GNG12: variants seen among roughly 807,000 people sequenced by gnomAD.
The protein encoded by GNG12 is G protein subunit gamma 12, also known as guanine nucleotide-binding protein G(I)/G(S)/G(O) subunit gamma-12.
For missense variants in GNG12, 69 were observed against 83.8 expected (o/e 0.82, Z 0.69); for synonymous variants, 28 against 29.7 (o/e 0.94, Z 0.19).
intron 2 of GNG12, among the ~76,000 whole-genome samples, chr1:67,768,471 A>G (rs1028114933): frequency 6.6e-6 from 1 of 152,258 alleles, no homozygotes; most frequent in Non-Finnish European, 1.5e-5. Context: ...TGATTAAAAA[A>G]AAACAGGCTG....
In GNG12 at chr1:67,703,014, TAA is replaced by T. The variant is rs928821871; in HGVS notation, c.*2435_*2436del. The T allele has an allele frequency of 6.6e-6, 1 of 152,152 alleles. No individual in the cohort carries two copies. Among genetic ancestry groups the T allele is most frequent in the African/African-American group, 2.4e-5 (1 of 41,440 alleles). 9.4% of individuals were successfully genotyped at this position (152,152 alleles called of 1,614,324 possible). The stretch of plus-strand genomic sequence containing the variant: ...GCTTTGTAAGGAGAATAAAGCCTGA[TAA>T]AAAAAGTGACTTCTGCATATCATAT... On this transcript the variant is annotated 3_prime_UTR_variant, in exon 4 of 4. Coordinates refer to ENST00000370982, the MANE Select transcript of GNG12 (RefSeq NM_018841.6).
chr1:67,775,945 T>C (rs547995680), intron 2 of GNG12, among the ~76,000 whole-genome samples: 1 of 152,120 alleles, frequency 6.6e-6, no homozygotes, highest in Non-Finnish European at 1.5e-5. Context: ...ATAAAGGGAA[T>C]AGCAGGACTT....
At chr1:67,722,698 C>A (rs886978729) in intron 2 of GNG12, among the ~76,000 whole-genome samples, 18 of 152,042 alleles carry the variant, frequency 1.2e-4, no homozygotes, top group African/African-American at 3.9e-4. Flanking sequence ...ATGGGAGCCA[C>A]CAAAGGTTTC....
At chr1:67,766,604 T>G (rs866563389) in intron 2 of GNG12, among the ~76,000 whole-genome samples, 1 of 146,808 alleles carries the variant, frequency 6.8e-6, no homozygotes, top group South Asian at 2.1e-4. Flanking sequence ...TATATGTTGG[T>G]GTTTTTTTTT....
intron 1 of GNG12, among the ~76,000 whole-genome samples, chr1:67,815,261 T>A (rs2100814007): frequency 1.3e-5 from 2 of 152,292 alleles, no homozygotes; most frequent in South Asian, 4.1e-4. Context: ...TTCACTTATA[T>A]CCCTGATAAA....
chr1:67,772,312 C>A (rs1355668178), intron 2 of GNG12, among the ~76,000 whole-genome samples: 3 of 152,182 alleles, frequency 2.0e-5, no homozygotes, highest in Non-Finnish European at 4.4e-5. Context: ...CCCACCAGAT[C>A]CCAAAGTGGT....
chr1:67,720,943 T>C (rs3766255), intron 2 of GNG12, among the ~76,000 whole-genome samples: 65,779 of 152,076 alleles, frequency 0.43, 16,022 homozygotes, highest in South Asian at 0.56. Flanking sequence ...AATAATATAT[T>C]CTTAAGACCA....
chr1:67,788,942 C>A (rs545401765), intron 1 of GNG12, among the ~76,000 whole-genome samples: 1 of 151,984 alleles, frequency 6.6e-6, no homozygotes, highest in Non-Finnish European at 1.5e-5. Flanking sequence ...TACAGAACTA[C>A]GAAAAAGAAA....
chr1:67,776,197 A>G (rs1001171075), intron 2 of GNG12, among the ~76,000 whole-genome samples: 1 of 152,164 alleles, frequency 6.6e-6, no homozygotes, highest in African/African-American at 2.4e-5. Flanking sequence ...AGACGGCTAG[A>G]AGTAAGACTA....
chr1:67,794,725 G>A (rs1207257926), intron 1 of GNG12, among the ~76,000 whole-genome samples: 1 of 152,166 alleles, frequency 6.6e-6, no homozygotes, highest in Non-Finnish European at 1.5e-5. Context: ...CTCCTCTAAC[G>A]TAGAATTGAG....
chr1:67,816,703 G>T (rs546899868), intron 1 of GNG12, among the ~76,000 whole-genome samples: 1 of 152,154 alleles, frequency 6.6e-6, no homozygotes, highest in African/African-American at 2.4e-5. Context: ...TGACTCCTGC[G>T]TACTCAGCCG....
At chr1:67,751,328 A>T (rs1204880410) in intron 2 of GNG12, among the ~76,000 whole-genome samples, 1 of 152,232 alleles carries the variant, frequency 6.6e-6, no homozygotes, top group Non-Finnish European at 1.5e-5. Flanking sequence ...TTCAACAGAG[A>T]GGCAGAGTCT....
chr1:67,798,289 C>T (rs1646843754), intron 1 of GNG12, among the ~76,000 whole-genome samples: 1 of 152,136 alleles, frequency 6.6e-6, no homozygotes, highest in Non-Finnish European at 1.5e-5. Context: ...TGTGCATGCG[C>T]AGAATCTAGG....
In GNG12 at chr1:67,703,930, TG is replaced by T. The variant is rs1294725366; in HGVS notation, c.*1520del. On this transcript the variant is annotated 3_prime_UTR_variant, in exon 4 of 4. Transcript: ENST00000370982. ...TTACTTCCTGGGGTTGATTCCTTTT[TG>T]AGGGGAAGTTTTTAACCTTTCCTTA... 2.0e-5 allele frequency: 3 copies of T among 152,254 alleles called. No individual in the cohort carries two copies. The highest frequency in any genetic ancestry group is 3.8e-4 in the East Asian group (2 of 5,206). The allele number at this position is 152,254 out of a possible 1,614,324, so 9.4% of individuals were successfully genotyped here.
At chr1:67,787,069 G>GTGTA (rs766685047) in intron 1 of GNG12, among the ~76,000 whole-genome samples, 47 of 145,816 alleles carry the variant, frequency 3.2e-4, no homozygotes, top group African/African-American at 1.1e-3. Context: ...GTGTGTGTGT[G>GTGTA]TATAGTCCCC....
intron 2 of GNG12, among the ~76,000 whole-genome samples, chr1:67,759,799 A>T (rs111377039): frequency 4.6e-5 from 7 of 151,694 alleles, no homozygotes; most frequent in African/African-American, 1.7e-4. Flanking sequence ...AACAATGCTC[A>T]CTCACTTCCC....
At chr1:67,817,286 C>T (rs1280493627) in intron 1 of GNG12, among the ~76,000 whole-genome samples, 1 of 152,174 alleles carries the variant, frequency 6.6e-6, no homozygotes, top group Non-Finnish European at 1.5e-5. Context: ...TGGTCAGGTA[C>T]TCATCTGAGC....
rs368989121 is a variant in GNG12, at chr1:67,717,394, T to C, written c.-26-9682A>G. Among the ~76,000 whole-genome samples, 13 of 151,940 alleles carry C rather than the reference T, an allele frequency of 8.6e-5. No individual in the cohort carries two copies. In the East Asian group the frequency reaches 2.1e-3, roughly 25 times the overall value. On this transcript the variant is annotated intron_variant, in intron 2 of 3. Coordinates refer to ENST00000370982, the MANE Select transcript of GNG12 (RefSeq NM_018841.6). ...AGCCGGGCGTGGTGGTGCATGCCTA[T>C]AGTCCCAGCTACTGGGGAGGCTGAG... is the stretch of plus-strand genomic sequence containing the variant.
chr1:67,767,463 A>C (rs1646647978), intron 2 of GNG12, among the ~76,000 whole-genome samples: 1 of 152,166 alleles, frequency 6.6e-6, no homozygotes, highest in Non-Finnish European at 1.5e-5. Context: ...TACCTGACCA[A>C]GTCTCAGTAA....
Sources: gnomAD v4.1 joint callset for allele counts (sites outside exome capture counted in the v4.1 genomes callset) on GRCh38, gnomAD v4.1.1 for gene constraint, MANE v1.5 for transcripts, NCBI Gene and HGNC (gene_info 2026-07-23, HGNC 2026-07-21) for gene names.